The following CNOT9 variants were observed in gnomAD, a reference collection of about 807,000 sequenced individuals.
CNOT9 encodes the protein CCR4-NOT transcription complex subunit 9.
CNOT9 carries 8 observed loss-of-function variants against 37.4 expected under a neutral mutation model. The observed-to-expected ratio is 0.21, with a 90% CI of 0.13 to 0.39. CNOT9 has a LOEUF of 0.39. Ranked by LOEUF, CNOT9 falls within the 10% of genes least tolerant of loss-of-function variation. The pLI is 1.00. For missense variants in CNOT9, 154 were observed against 365.3 expected (o/e 0.42, Z 4.71); for synonymous variants, 120 against 137.6 (o/e 0.87, Z 0.90).
rs1411948409 is a variant in CNOT9 at position 218,594,191 on chromosome 2, C to T, written c.815C>T (p.Thr272Met). The T allele has an allele frequency of 3.7e-6, 6 of 1,614,112 alleles. No individual in the cohort carries two copies. The highest frequency in any genetic ancestry group is 1.1e-5 in the South Asian group (1 of 91,088). Residue 272 changes from threonine (T) to methionine (M), a missense_variant, in exon 8 of 8, where the codon ACG becomes ATG. Coordinates refer to ENST00000273064, the MANE Select transcript of CNOT9 (RefSeq NM_005444.3). The part of the protein sequence containing the change: ...FAQVLKDDTT[T>M]KRWLAQLVKN... ...CAGGTGCTAAAAGATGACACCACCA[C>T]GAAACGCTGGCTTGCACAACTGGTG...
intron 1 of CNOT9, among the ~76,000 whole-genome samples, chr2:218,578,052 G>C (rs181149055): frequency 1.7e-4 from 26 of 152,356 alleles, no homozygotes; most frequent in Admixed American, 1.4e-3. Flanking sequence ...TTGAGGGCCT[G>C]TTTGTGGCTG....
Position 218,579,797 on chromosome 2 carries a change from C to CATTT in CNOT9, c.25-743_25-740dup, listed in dbSNP as rs202121171. ...CCACCACGCCTGGCCCAGTTTTCTG[C>CATTT]ATTTATTTATTTATTTATTTATTTG... On this transcript the variant is annotated intron_variant, in intron 1 of 7. Coordinates refer to ENST00000273064, the MANE Select transcript of CNOT9 (RefSeq NM_005444.3). Among the ~76,000 whole-genome samples the CATTT allele has an allele frequency of 7.9e-3, 1,196 of 150,632 alleles. 16 individuals are homozygous for CATTT. Among genetic ancestry groups the CATTT allele is most frequent in the African/African-American group, 0.026 (1,068 of 40,978 alleles).
intron 4 of CNOT9, among the ~76,000 whole-genome samples, chr2:218,586,070 G>A (rs988330903): frequency 6.6e-6 from 1 of 152,174 alleles, no homozygotes; most frequent in African/African-American, 2.4e-5. Flanking sequence ...AAAATGCAGA[G>A]ATAAACCATG....
At chr2:218,571,295 T>C (rs1316126120) in intron 1 of CNOT9, among the ~76,000 whole-genome samples, 1 of 152,162 alleles carries the variant, frequency 6.6e-6, no homozygotes, top group Non-Finnish European at 1.5e-5. Flanking sequence ...TGTGTGCCCA[T>C]AGTCCCAGCT....
chr2:218,593,757 T>G, intron 7 of CNOT9: 1 of 1,207,432 alleles, frequency 8.3e-7, no homozygotes. Context: ...AATGTACTGA[T>G]TTTTGAATTA....
chr2:218,571,372 C>T (rs1693986557), intron 1 of CNOT9, among the ~76,000 whole-genome samples: 1 of 152,104 alleles, frequency 6.6e-6, no homozygotes, highest in South Asian at 2.1e-4. Context: ...GCTATGAAGG[C>T]ACCTGTGAAT....
At position 218,580,760 on chromosome 2, in the gene CNOT9, T is replaced by A. The variant is rs528237718; in HGVS notation, c.204+20T>A. On this transcript the variant is annotated intron_variant, in intron 2 of 7. Coordinates refer to ENST00000273064, the MANE Select transcript of CNOT9 (RefSeq NM_005444.3). The stretch of plus-strand genomic sequence containing the variant: ...TTACAGGTGGGTTCATGTCCATGAT[T>A]GGCAGTTCAGTTCTTTTCATTACAC... The A allele has an allele frequency of 3.7e-6, 6 of 1,605,086 alleles. No individual in the cohort carries two copies. In the African/African-American group the frequency reaches 8.0e-5, roughly 21 times the overall value.
chr2:218,583,015 A>G lies in CNOT9; in HGVS notation c.249A>G (p.Thr83=). 2 of 1,613,892 alleles carry G rather than the reference A, an allele frequency of 1.2e-6. No individual in the cohort carries two copies. The highest frequency in any genetic ancestry group is 1.7e-5 in the Admixed American group (1 of 59,998). Reference sequence around the variant, plus strand: ...CATCTATCAACCCACCCACCTTGACAGCACACCAGTCTAACAGAGTTTGCA... The same window carrying G: ...CATCTATCAACCCACCCACCTTGACGGCACACCAGTCTAACAGAGTTTGCA... ...IYPSINPPTL[T]AHQSNRVCNA... The change falls in exon 3 of 8, where the codon ACA becomes ACG. Residue 83 remains threonine (T), a synonymous_variant. Coordinates refer to ENST00000273064, the MANE Select transcript of CNOT9 (RefSeq NM_005444.3).
Position 218,595,739 on chromosome 2 carries a change from A to G in CNOT9, c.*1463A>G, listed in dbSNP as rs1177285721. ...TGAACAAGCTTGGGGAGGGTCTATA[A>G]GGGGTAGGCTCAAAAAAAAAAAAAC... On this transcript the variant is annotated 3_prime_UTR_variant, in exon 8 of 8. Transcript: ENST00000273064. 6.6e-6 allele frequency: 1 copy of G among 150,676 alleles called. No homozygotes were observed. The highest frequency in any genetic ancestry group is 1.9e-4 in the East Asian group (1 of 5,132). 9.3% of individuals were successfully genotyped at this position (150,676 alleles called of 1,614,324 possible). A position where few individuals can be genotyped will look rare whatever the true frequency, so the allele number is the denominator to read the frequency against.
intron 1 of CNOT9, among the ~76,000 whole-genome samples, chr2:218,570,125 G>T (rs756598696): frequency 4.6e-5 from 7 of 152,312 alleles, no homozygotes; most frequent in South Asian, 4.1e-4. Context: ...CTGCATGAAA[G>T]AATATTGAAG....
chr2:218,579,382 A>G (rs1694285996), intron 1 of CNOT9, among the ~76,000 whole-genome samples: 1 of 152,252 alleles, frequency 6.6e-6, no homozygotes, highest in Admixed American at 6.5e-5. Context: ...GTATCAATAT[A>G]CAGTATATAG....
chr2:218,575,082 T>C (rs978166586), intron 1 of CNOT9, among the ~76,000 whole-genome samples: 2 of 152,064 alleles, frequency 1.3e-5, no homozygotes, highest in African/African-American at 4.8e-5. Flanking sequence ...AATGAGAAAA[T>C]TGAGGTTTGG....
At chr2:218,570,034 G>C (rs1693925896) in intron 1 of CNOT9, among the ~76,000 whole-genome samples, 1 of 152,198 alleles carries the variant, frequency 6.6e-6, no homozygotes, top group Non-Finnish European at 1.5e-5. Context: ...GGCAGGGACA[G>C]GGATCATGTG....
rs1410760743 is a variant in CNOT9 at position 218,582,923 on chromosome 2, A to C, written c.205-48A>C. The C allele has an allele frequency of 2.9e-6, 3 of 1,043,428 alleles. No homozygotes were observed. The South Asian group carries it at 4.0e-5, about 14-fold the overall frequency. 64.6% of individuals were successfully genotyped at this position (1,043,428 alleles called of 1,614,324 possible). ...TTTTTGCTTTATTACCATGGGAATT[A>C]ATTTTTAGTTATTCCTTATTCATCT... On this transcript the variant is annotated intron_variant, in intron 2 of 7. Coordinates refer to ENST00000273064, the MANE Select transcript of CNOT9 (RefSeq NM_005444.3).
intron 3 of CNOT9, among the ~76,000 whole-genome samples, chr2:218,584,296 A>G (rs1008683537): frequency 1.7e-4 from 26 of 152,318 alleles, no homozygotes; most frequent in African/African-American, 6.3e-4. Flanking sequence ...AGAGGGCAGG[A>G]GAGGACTGTC....
At chr2:218,574,214 C>T (rs1254326549) in intron 1 of CNOT9, 8 of 252,040 alleles carry the variant, frequency 3.2e-5, no homozygotes, top group East Asian at 1.4e-4. Flanking sequence ...CCTCAGCCTC[C>T]CAAAGTGCTG....
intron 7 of CNOT9, chr2:218,593,881 A>G (rs1381783346): frequency 8.8e-7 from 1 of 1,132,170 alleles, no homozygotes; most frequent in Non-Finnish European, 1.2e-6. Context: ...TTGCTTTTTC[A>G]TGAAATTCTA....
At position 218,595,750 on chromosome 2, in the gene CNOT9, C is replaced by CA. The variant is rs200399729; in HGVS notation, c.*1487dup. On this transcript the variant is annotated 3_prime_UTR_variant, in exon 8 of 8. Coordinates refer to ENST00000273064, the MANE Select transcript of CNOT9 (RefSeq NM_005444.3). ...GGGGAGGGTCTATAAGGGGTAGGCT[C>CA]AAAAAAAAAAAAACCCATTTGCAGA... 6.9e-3 allele frequency: 883 copies of CA among 127,874 alleles called. 4 individuals carry two copies. The highest frequency in any genetic ancestry group is 0.039 in the Middle Eastern group (10 of 254). The allele number at this position is 127,874 out of a possible 1,614,324, so 7.9% of individuals were successfully genotyped here.
At chr2:218,585,407 A>G (rs1694555018) in intron 4 of CNOT9, among the ~76,000 whole-genome samples, 1 of 151,642 alleles carries the variant, frequency 6.6e-6, no homozygotes, top group South Asian at 2.1e-4. Flanking sequence ...GTCTCTACTA[A>G]AAAAATAATG....
Sources: gnomAD v4.1 joint callset for allele counts (sites outside exome capture counted in the v4.1 genomes callset) on GRCh38, gnomAD v4.1.1 for gene constraint, MANE v1.5 for transcripts, NCBI Gene and HGNC (gene_info 2026-07-23, HGNC 2026-07-21) for gene names.